The following DOCK2 variants were observed in gnomAD, a reference collection of about 807,000 sequenced individuals.
The protein encoded by DOCK2 is dedicator of cytokinesis 2, also known as dedicator of cytokinesis protein 2.
Under a neutral mutation model 248.9 loss-of-function variants are expected in DOCK2, and 87 were observed. The observed-to-expected ratio is 0.35, with a 90% CI of 0.29 to 0.42. DOCK2 has a LOEUF of 0.42. Ranked by LOEUF, DOCK2 falls within the 10% of genes least tolerant of loss-of-function variation. DOCK2 has a pLI of 1.00. For synonymous variants in DOCK2, 805 were observed against 821.6 expected (o/e 0.98, Z 0.35); for missense variants, 1,747 against 2,300.2 (o/e 0.76, Z 4.92).
At chr5:170,081,766 C>A in intron 50 of DOCK2, 76 bp from the exon 51 acceptor site, 4 of 1,183,854 alleles carry the variant, frequency 3.4e-6, no homozygotes, top group Non-Finnish European at 2.3e-6. Context: ...CCCCAGCCCT[C>A]CCCCTGTCTA....
chr5:169,742,219 C>G (rs59804313), intron 22 of DOCK2, among the ~76,000 whole-genome samples: 1 of 152,132 alleles, frequency 6.6e-6, no homozygotes, highest in South Asian at 2.1e-4. Context: ...TCTTACAGTT[C>G]AGGAAGCAAA....
At chr5:169,778,658 G>A (rs7718855) in intron 25 of DOCK2, among the ~76,000 whole-genome samples, 4,998 of 152,246 alleles carry the variant, frequency 0.033, 273 homozygotes, top group African/African-American at 0.11. Context: ...TTGTATATGC[G>A]TGTGTGCATT....
chr5:169,737,360 C>A (rs899296187), intron 22 of DOCK2, among the ~76,000 whole-genome samples: 1 of 152,130 alleles, frequency 6.6e-6, no homozygotes, highest in Non-Finnish European at 1.5e-5. Flanking sequence ...CTTGAAGAAC[C>A]TTGAGTGTCA....
At chr5:170,080,439 C>G in intron 50 of DOCK2, 156 bp downstream of exon 50, 1 of 1,147,204 alleles carries the variant, frequency 8.7e-7, no homozygotes, top group South Asian at 1.6e-5. Context: ...CCTCTAATCT[C>G]TCCCCACACC....
At chr5:169,694,501 AGTC>A (rs1421755596) in intron 9 of DOCK2, among the ~76,000 whole-genome samples, 3 of 152,208 alleles carry the variant, frequency 2.0e-5, no homozygotes, top group Non-Finnish European at 4.4e-5. Context: ...CAAAGCCCAG[AGTC>A]TCATGGGCTA....
chr5:170,075,324 T>C (rs899491875), intron 46 of DOCK2: 2 of 152,346 alleles, frequency 1.3e-5, no homozygotes, highest in African/African-American at 2.4e-5. Context: ...AGACTTCAAC[T>C]CCCTCACATC....
chr5:169,688,723 T>G (rs892448337), intron 8 of DOCK2, among the ~76,000 whole-genome samples: 11 of 152,330 alleles, frequency 7.2e-5, no homozygotes, highest in Non-Finnish European at 1.6e-4. Flanking sequence ...ATTTAAACAG[T>G]TATTTAATTG....
intron 44 of DOCK2, among the ~76,000 whole-genome samples, chr5:170,065,294 G>C (rs1281163810): frequency 2.6e-5 from 4 of 151,954 alleles, no homozygotes; most frequent in African/African-American, 9.7e-5. Flanking sequence ...TATCACTACA[G>C]AAAGCCATCA....
Position 169,752,925 on chromosome 5 carries a change from C to T in DOCK2, c.2376+5421C>T, listed in dbSNP as rs937515491. Among the ~76,000 whole-genome samples, 9 of 151,964 alleles carry T rather than the reference C, an allele frequency of 5.9e-5. No homozygotes were observed. In the East Asian group the frequency reaches 1.2e-3, roughly 20 times the overall value. The stretch of plus-strand genomic sequence containing the variant: ...ACTAAAAATACAAAAATTAGCTGGG[C>T]GTGGTGGCGGGTGCCTGTAATCCCA... On this transcript the variant is annotated intron_variant, in intron 23 of 51. Transcript: ENST00000520908.
chr5:169,990,694 A>G (rs1482450490), intron 29 of DOCK2, among the ~76,000 whole-genome samples: 1 of 152,158 alleles, frequency 6.6e-6, no homozygotes, highest in African/African-American at 2.4e-5. Flanking sequence ...TCTCCCAGCC[A>G]ATGCTTTTAT....
intron 26 of DOCK2, among the ~76,000 whole-genome samples, chr5:169,838,206 C>G (rs571977688): frequency 6.6e-6 from 1 of 152,282 alleles, no homozygotes; most frequent in East Asian, 1.9e-4. Context: ...TGAAACCCCC[C>G]AAGCAGCCAC....
At chr5:169,687,477 A>G (rs537932831) in intron 8 of DOCK2, among the ~76,000 whole-genome samples, 1 of 152,170 alleles carries the variant, frequency 6.6e-6, no homozygotes, top group East Asian at 1.9e-4. Flanking sequence ...GAGATAAAAC[A>G]AGCTCTAAAA....
intron 32 of DOCK2, among the ~76,000 whole-genome samples, chr5:170,016,088 C>G (rs1755530034): frequency 6.6e-6 from 1 of 152,104 alleles, no homozygotes; most frequent in Non-Finnish European, 1.5e-5. Context: ...CCCTTTCCAC[C>G]CACACCCCCC....
intron 46 of DOCK2, among the ~76,000 whole-genome samples, chr5:170,069,849 C>G (rs1333198883): frequency 6.6e-6 from 1 of 152,118 alleles, no homozygotes; most frequent in East Asian, 1.9e-4. Context: ...CCTGTGGACT[C>G]TGTCTTTCCT....
chr5:169,746,075 T>C (rs1479936331), intron 22 of DOCK2, among the ~76,000 whole-genome samples: 4 of 152,110 alleles, frequency 2.6e-5, no homozygotes, highest in African/African-American at 9.7e-5. Flanking sequence ...CTGACTTCAC[T>C]TATGCTTCTG....
chr5:170,010,170 T>C (rs1276516568), intron 32 of DOCK2, among the ~76,000 whole-genome samples: 1 of 152,194 alleles, frequency 6.6e-6, no homozygotes, highest in Non-Finnish European at 1.5e-5. Flanking sequence ...CTGTTCTCCC[T>C]GGCCTCTACC....
At chr5:169,806,766 G>T (rs1263859746) in intron 26 of DOCK2, among the ~76,000 whole-genome samples, 1 of 152,016 alleles carries the variant, frequency 6.6e-6, no homozygotes, top group African/African-American at 2.4e-5. Flanking sequence ...TCTATAAAAG[G>T]CCCCAGACCC....
Position 170,079,110 on chromosome 5 carries a change from G to A in DOCK2, c.5130G>A (p.Ala1710=), listed in dbSNP as rs143741887. ...KRTKRSSVVF[A]DEKAAAESDL... ...CAAAGAGAAGCAGCGTAGTTTTTGC[G>A]GATGAGAAAGCAGCTGCAGAGTCGG... The change falls in exon 49 of 52, where the codon GCG becomes GCA. Residue 1710 remains alanine, a synonymous_variant. Transcript: ENST00000520908. 9.5e-5 allele frequency: 154 copies of A among 1,613,990 alleles called. No homozygotes were observed. Among genetic ancestry groups the A allele is most frequent in the South Asian group, 2.5e-4 (23 of 91,068 alleles).
chr5:169,816,404 G>T (rs924750844), intron 26 of DOCK2, among the ~76,000 whole-genome samples: 1 of 152,156 alleles, frequency 6.6e-6, no homozygotes, highest in African/African-American at 2.4e-5. Context: ...TAACAGTCTG[G>T]GTTGGAAAAT....
Sources: gnomAD v4.1 joint callset for allele counts (sites outside exome capture counted in the v4.1 genomes callset) on GRCh38, gnomAD v4.1.1 for gene constraint, MANE v1.5 for transcripts, NCBI Gene and HGNC (gene_info 2026-07-23, HGNC 2026-07-21) for gene names.